Variants in CXCL13 observed in about 807,000 individuals in gnomAD.
CXCL13 encodes the protein C-X-C motif chemokine 13.
CXCL13 carries 7 observed loss-of-function variants against 12.2 expected under a neutral mutation model. The observed-to-expected ratio is 0.57, with a 90% confidence interval of 0.33 to 1.07. CXCL13 has a LOEUF of 1.07. Ranked by LOEUF, CXCL13 falls within the 50% of genes least tolerant of loss-of-function variation. CXCL13 has a pLI of 0.04. For synonymous variants in CXCL13, 47 were observed against 42.4 expected, an observed-to-expected ratio of 1.11 and a Z score of -0.42; for missense variants, 113 against 127.4, an observed-to-expected ratio of 0.89 and a Z score of 0.55.
intron 1 of CXCL13, among the ~76,000 whole-genome samples, chr4:77,596,212 A>G (rs1407412471): frequency 1.3e-5 from 2 of 152,214 alleles, no homozygotes; most frequent in Non-Finnish European, 2.9e-5. Context: ...GTGTCCATTA[A>G]GATGATTTTC....
chr4:77,562,256 C>A (rs970529509), intron 1 of CXCL13, among the ~76,000 whole-genome samples: 14 of 150,044 alleles, frequency 9.3e-5, no homozygotes, highest in Admixed American at 2.6e-4. Context: ...AGGCCTGAGC[C>A]TCCCTGACGG....
At chr4:77,528,613 T>G (rs1412508296) in intron 1 of CXCL13, among the ~76,000 whole-genome samples, 1 of 152,218 alleles carries the variant, frequency 6.6e-6, no homozygotes, top group Non-Finnish European at 1.5e-5. Flanking sequence ...TCGCCCACTT[T>G]TTGATGGGCC....
chr4:77,562,471 C>T (rs951846664), intron 1 of CXCL13, among the ~76,000 whole-genome samples: 1 of 152,044 alleles, frequency 6.6e-6, no homozygotes, highest in African/African-American at 2.4e-5. Context: ...CCAATCAGTA[C>T]TCTGTGTCTA....
At chr4:77,579,968 G>A (rs1241325727) in intron 1 of CXCL13, among the ~76,000 whole-genome samples, 6 of 152,108 alleles carry the variant, frequency 3.9e-5, no homozygotes, top group Admixed American at 3.9e-4. Flanking sequence ...CACAGGCCAG[G>A]CATAGACACA....
intron 1 of CXCL13, among the ~76,000 whole-genome samples, chr4:77,585,790 G>C (rs1040499141): frequency 8.5e-5 from 13 of 152,208 alleles, no homozygotes; most frequent in African/African-American, 2.9e-4. Context: ...GCTATAATAG[G>C]CCCCAAAGCA....
At chr4:77,535,289 G>T (rs535224587) in intron 1 of CXCL13, among the ~76,000 whole-genome samples, 4 of 152,232 alleles carry the variant, frequency 2.6e-5, no homozygotes, top group Non-Finnish European at 4.4e-5. Flanking sequence ...CCTCAGTTGT[G>T]ACATACTTCT....
intron 1 of CXCL13, among the ~76,000 whole-genome samples, chr4:77,570,448 G>T (rs1726042171): frequency 6.6e-6 from 1 of 152,186 alleles, no homozygotes. Context: ...AGTGGGCAAA[G>T]GGCTAGGCAT....
intron 1 of CXCL13, among the ~76,000 whole-genome samples, chr4:77,546,562 T>C (rs1321217650): frequency 1.3e-5 from 2 of 152,344 alleles, no homozygotes; most frequent in East Asian, 3.9e-4. Context: ...TCTCTGATGG[T>C]AGTTTGTATT....
At chr4:77,579,659 AT>A (rs1289286946) in intron 1 of CXCL13, among the ~76,000 whole-genome samples, 1 of 151,684 alleles carries the variant, frequency 6.6e-6, no homozygotes, top group Non-Finnish European at 1.5e-5. Flanking sequence ...AGGACCTTTT[AT>A]TTTTTTTAAT....
intron 1 of CXCL13, among the ~76,000 whole-genome samples, chr4:77,514,033 C>T: frequency 6.6e-6 from 1 of 152,036 alleles, no homozygotes; most frequent in East Asian, 1.9e-4. Context: ...TCAATTCCCA[C>T]CTATGAGCGA....
chr4:77,602,512 A>G (rs1340090579), upstream of CXCL13, among the ~76,000 whole-genome samples: 3 of 152,212 alleles, frequency 2.0e-5, no homozygotes, highest in Non-Finnish European at 4.4e-5. Flanking sequence ...CTGAGATTCT[A>G]CATTTTAAAC....
chr4:77,591,408 A>G (rs1190457901), intron 1 of CXCL13, among the ~76,000 whole-genome samples: 1 of 151,836 alleles, frequency 6.6e-6, no homozygotes, highest in Non-Finnish European at 1.5e-5. Context: ...AAAATTAGCC[A>G]GGCGTGGTGG....
At chr4:77,532,041 T>C (rs1001658063) in intron 1 of CXCL13, among the ~76,000 whole-genome samples, 2 of 152,226 alleles carry the variant, frequency 1.3e-5, no homozygotes, top group Non-Finnish European at 1.5e-5. Context: ...ATTTAGCCCA[T>C]TTACATTTAA....
chr4:77,566,758 A>T (rs1725932722), intron 1 of CXCL13, among the ~76,000 whole-genome samples: 1 of 152,202 alleles, frequency 6.6e-6, no homozygotes, highest in South Asian at 2.1e-4. Flanking sequence ...CTTTATAGCA[A>T]GGAGTAAAAC....
At chr4:77,523,860 G>A (rs1284088212) in intron 1 of CXCL13, among the ~76,000 whole-genome samples, 1 of 152,158 alleles carries the variant, frequency 6.6e-6, no homozygotes, top group Non-Finnish European at 1.5e-5. Context: ...ACCTACCTTG[G>A]TCTTTGATGT....
At chr4:77,551,537 A>C (rs914573045) in intron 1 of CXCL13, among the ~76,000 whole-genome samples, 2 of 152,134 alleles carry the variant, frequency 1.3e-5, no homozygotes, top group African/African-American at 4.8e-5. Flanking sequence ...GCTGCCTTTA[A>C]GTCTTTTCTT....
chr4:77,571,818 G>T (rs1298925400), intron 1 of CXCL13, among the ~76,000 whole-genome samples: 2 of 151,630 alleles, frequency 1.3e-5, no homozygotes, highest in Non-Finnish European at 2.9e-5. Flanking sequence ...TTAGTCTTTG[G>T]GTCCACGCTG....
chr4:77,573,152 G>C (rs1046869654), intron 1 of CXCL13, among the ~76,000 whole-genome samples: 1 of 151,794 alleles, frequency 6.6e-6, no homozygotes, highest in Non-Finnish European at 1.5e-5. Context: ...TTAATACCTG[G>C]ATGTTGAAAT....
chr4:77,524,205 G>T (rs1162762156), intron 1 of CXCL13, among the ~76,000 whole-genome samples: 1 of 152,184 alleles, frequency 6.6e-6, no homozygotes, highest in East Asian at 1.9e-4. Context: ...ACTTGAGGAG[G>T]TAGTCTGTCC....
Sources: gnomAD v4.1 joint callset for allele counts (sites outside exome capture counted in the v4.1 genomes callset) on GRCh38, gnomAD v4.1.1 for gene constraint, MANE v1.5 for transcripts, NCBI Gene and HGNC (gene_info 2026-07-23, HGNC 2026-07-21) for gene names.